The following RHOU variants were observed in gnomAD, a reference collection of about 807,000 sequenced individuals.
RHOU encodes the protein rho-related GTP-binding protein RhoU.
In RHOU, 8 loss-of-function variants were observed where a neutral mutation model predicts 12.6. The observed-to-expected ratio is 0.64, with a 90% confidence interval of 0.37 to 1.15. The LOEUF (loss-of-function observed/expected upper bound fraction) is 1.15. Among genes scored for constraint, RHOU ranks in the 50% most tolerant of loss-of-function variants. The probability of loss-of-function intolerance (pLI) is 0.01; values close to 1 mark genes in which losing one functional copy is unlikely to be tolerated. For missense variants in RHOU, 258 were observed against 347.0 expected (o/e 0.74, Z 2.04); for synonymous variants, 161 against 147.4 (o/e 1.09, Z -0.67).
chr1:228,722,572 T>A, the RHOU span, among the ~76,000 whole-genome samples: 1 of 151,966 alleles, frequency 6.6e-6, no homozygotes, highest in South Asian at 2.1e-4. Context: ...ATCTTCCTTT[T>A]CTCAGTCAAT....
At chr1:228,650,192 C>CGGCTGCAG in the RHOU span, 1 of 456,708 alleles carries the variant, frequency 2.2e-6, no homozygotes, top group Non-Finnish European at 4.4e-6. Context: ...GCGGCTGCAG[C>CGGCTGCAG]CCCATGGGTC....
the RHOU span, among the ~76,000 whole-genome samples, chr1:228,658,141 A>T: frequency 0.023 from 3,429 of 152,090 alleles, 117 homozygotes; most frequent in African/African-American, 0.066. Context: ...TTAGGTGGGC[A>T]TGGTGGTGCA....
At chr1:228,722,471 T>A in the RHOU span, among the ~76,000 whole-genome samples, 12 of 152,246 alleles carry the variant, frequency 7.9e-5, no homozygotes, top group Non-Finnish European at 1.6e-4. Flanking sequence ...GCCGGCCCAA[T>A]ATTTCCTCTT....
the RHOU span, among the ~76,000 whole-genome samples, chr1:228,690,385 G>A: frequency 6.6e-6 from 1 of 151,968 alleles, no homozygotes; most frequent in Non-Finnish European, 1.5e-5. Context: ...GAGTGCAATG[G>A]CATGATCTCG....
chr1:228,646,573 C>G, the RHOU span, among the ~76,000 whole-genome samples: 1 of 128,704 alleles, frequency 7.8e-6, no homozygotes, highest in African/African-American at 3.0e-5. Flanking sequence ...CTTGTCCCGA[C>G]CAAGACCCGG....
chr1:228,683,124 G>A, the RHOU span, among the ~76,000 whole-genome samples: 2 of 149,272 alleles, frequency 1.3e-5, no homozygotes, highest in African/African-American at 2.6e-5. Flanking sequence ...GATCTGGGCT[G>A]GAGTCAACTA....
chr1:228,731,650 G>A (rs1030078746), upstream of RHOU, among the ~76,000 whole-genome samples: 4 of 152,160 alleles, frequency 2.6e-5, no homozygotes, highest in South Asian at 2.1e-4. Context: ...ACACCTAAGC[G>A]GAGAAAGAGC....
the RHOU span, among the ~76,000 whole-genome samples, chr1:228,716,902 C>G: frequency 6.6e-6 from 1 of 152,142 alleles, no homozygotes; most frequent in Non-Finnish European, 1.5e-5. Flanking sequence ...AAATAGAGAG[C>G]ACTTCATTTC....
At chr1:228,673,611 G>A in the RHOU span, among the ~76,000 whole-genome samples, 4 of 152,256 alleles carry the variant, frequency 2.6e-5, no homozygotes, top group Non-Finnish European at 5.9e-5. Context: ...AAAGTGTGTA[G>A]CACCTTCCCC....
At chr1:228,704,445 T>A in the RHOU span, among the ~76,000 whole-genome samples, 32 of 152,236 alleles carry the variant, frequency 2.1e-4, no homozygotes, top group East Asian at 9.7e-4. Flanking sequence ...TTAGTCAATT[T>A]TTTTTATTTT....
At chr1:228,732,423 CA>C (rs1289956501), upstream of RHOU, among the ~76,000 whole-genome samples, 1 of 152,130 alleles carries the variant, frequency 6.6e-6, no homozygotes, top group Admixed American at 6.5e-5. Flanking sequence ...AACATGGACC[CA>C]AATGAGTGGG....
rs1662798193 is a variant in RHOU at position 228,744,990 on chromosome 1, T to G, written c.*1250T>G. The G allele has an allele frequency of 6.6e-6, 1 of 152,188 alleles. No individual in the cohort carries two copies. Among genetic ancestry groups the G allele is most frequent in the African/African-American group, 2.4e-5 (1 of 41,446 alleles). The allele number at this position is 152,188 out of a possible 1,614,324, so 9.4% of individuals were successfully genotyped here. A position where few individuals can be genotyped will look rare whatever the true frequency, so the allele number is the denominator to read the frequency against. Reference sequence around the variant, plus strand: ...TCTTAAATCTAAACAAAAAATAAAATGAACATCTCTTGAAACCTGTTAAAA... The same window carrying G: ...TCTTAAATCTAAACAAAAAATAAAAGGAACATCTCTTGAAACCTGTTAAAA... On this transcript the variant is annotated 3_prime_UTR_variant, in exon 3 of 3. Coordinates refer to ENST00000366691, the MANE Select transcript of RHOU (RefSeq NM_021205.6).
chr1:228,662,104 G>T, the RHOU span, among the ~76,000 whole-genome samples: 2 of 152,204 alleles, frequency 1.3e-5, no homozygotes, highest in African/African-American at 4.8e-5. Flanking sequence ...GGTCATCAGA[G>T]AAATGCAAAT....
the RHOU span, among the ~76,000 whole-genome samples, chr1:228,656,573 A>G: frequency 6.6e-6 from 1 of 152,230 alleles, no homozygotes; most frequent in Non-Finnish European, 1.5e-5. Context: ...TTAAAAAAAA[A>G]GAGTTTTTAC....
the RHOU span, chr1:228,687,934 C>A: frequency 2.8e-6 from 2 of 707,760 alleles, no homozygotes; most frequent in Non-Finnish European, 5.1e-6. Context: ...GCTCCATCTC[C>A]CTCCCTCTGT....
the RHOU span, among the ~76,000 whole-genome samples, chr1:228,689,349 A>G: frequency 6.6e-6 from 1 of 152,014 alleles, no homozygotes; most frequent in African/African-American, 2.4e-5. Context: ...AGGGCCCAGC[A>G]AATGTGTAAT....
At chr1:228,647,117 AG>A in the RHOU span, among the ~76,000 whole-genome samples, 1 of 152,180 alleles carries the variant, frequency 6.6e-6, no homozygotes, top group African/African-American at 2.4e-5. Flanking sequence ...CCTTTTGAGC[AG>A]TCCGGAATAG....
the RHOU span, among the ~76,000 whole-genome samples, chr1:228,719,499 G>A: frequency 9.2e-5 from 14 of 152,164 alleles, no homozygotes. Flanking sequence ...GAAAGCTGAG[G>A]TTGGTGAATC....
the RHOU span, among the ~76,000 whole-genome samples, chr1:228,676,530 T>C: frequency 6.6e-6 from 1 of 152,146 alleles, no homozygotes; most frequent in Non-Finnish European, 1.5e-5. Context: ...ATATGTAGAT[T>C]CTTTTGGACT....
Sources: allele counts gnomAD v4.1 joint callset (sites outside exome capture counted in the v4.1 genomes callset), GRCh38; gene constraint gnomAD v4.1.1; transcripts MANE v1.5; gene names NCBI Gene and HGNC (gene_info 2026-07-23, HGNC 2026-07-21).